PHIP: variants seen among roughly 807,000 people sequenced by gnomAD.
PHIP encodes the protein PH-interacting protein.
In PHIP, 54 loss-of-function variants were observed where a neutral mutation model predicts 236.8. The observed-to-expected ratio is 0.23, with a 90% CI of 0.18 to 0.29. The LOEUF is 0.29. PHIP is among the 10% of genes least tolerant of loss of function. The pLI is 1.00. For missense variants in PHIP, 1,370 were observed against 2,190.8 expected (o/e 0.63, Z 7.48); for synonymous variants, 756 against 718.9 (o/e 1.05, Z -0.83).
intron 15 of PHIP, among the ~76,000 whole-genome samples, chr6:79,011,155 GCTTA>G (rs762708471): frequency 2.4e-4 from 36 of 151,940 alleles, no homozygotes; most frequent in Admixed American, 1.4e-3. Context: ...ACAAATGTGG[GCTTA>G]CTAAGTTATA....
At chr6:78,980,704 A>AT (rs1045713484) in intron 23 of PHIP, among the ~76,000 whole-genome samples, 1 of 152,056 alleles carries the variant, frequency 6.6e-6, no homozygotes, top group African/African-American at 2.4e-5. Flanking sequence ...TATCACAGAG[A>AT]TCCCACAACC....
intron 27 of PHIP, among the ~76,000 whole-genome samples, chr6:78,966,328 T>G (rs1767129866): frequency 1.3e-5 from 2 of 152,206 alleles, no homozygotes; most frequent in Admixed American, 1.3e-4. Flanking sequence ...TTAGGCATTT[T>G]TACCAATCTA....
At chr6:79,061,739 G>T (rs1250511421) in intron 4 of PHIP, among the ~76,000 whole-genome samples, 1 of 151,860 alleles carries the variant, frequency 6.6e-6, no homozygotes, top group African/African-American at 2.4e-5. Context: ...ATACATTTTA[G>T]TAAGTGTAAA....
At chr6:78,968,773 G>T (rs892673831) in intron 27 of PHIP, among the ~76,000 whole-genome samples, 2 of 152,016 alleles carry the variant, frequency 1.3e-5, no homozygotes, top group Non-Finnish European at 2.9e-5. Flanking sequence ...GGTTTTCAGT[G>T]AATTTACAAT....
intron 27 of PHIP, 36 bp downstream of exon 27, chr6:78,969,799 C>T: frequency 6.0e-6 from 6 of 994,512 alleles, no homozygotes; most frequent in South Asian, 3.2e-5. Flanking sequence ...AAAAAAACCA[C>T]ATCAAACATC....
At chr6:79,077,667 CG>C (rs1476948216) in intron 3 of PHIP, 32 bp downstream of exon 3, 33 of 953,670 alleles carry the variant, frequency 3.5e-5, no homozygotes, top group Non-Finnish European at 4.0e-5. Flanking sequence ...GGCCGCGCGG[CG>C]GCGGGACGCG....
intron 7 of PHIP, among the ~76,000 whole-genome samples, chr6:79,042,311 A>C (rs1435101975): frequency 6.6e-6 from 1 of 152,038 alleles, no homozygotes; most frequent in Non-Finnish European, 1.5e-5. Context: ...AAAACATCAG[A>C]TATTTTGAAG....
rs1482554048 is a variant in PHIP, at chr6:79,041,005, T to C, written c.600+1838A>G. 2.0e-5 allele frequency among the ~76,000 whole-genome samples: 3 copies of C among 152,280 alleles called. No homozygotes were observed. The East Asian group carries it at 5.8e-4, about 29-fold the overall frequency. On this transcript the variant is annotated intron_variant, in intron 7 of 39. Transcript: ENST00000275034. Reference sequence around the variant, plus strand: ...CAGCTTCCTCTTCGCATATTATTCTTGTTCTCTAAATCACATGCCCTTAAA... The same window carrying C: ...CAGCTTCCTCTTCGCATATTATTCTCGTTCTCTAAATCACATGCCCTTAAA...
intron 32 of PHIP, chr6:78,957,663 TG>T (rs1449010823): frequency 6.6e-6 from 1 of 150,996 alleles, no homozygotes; most frequent in Non-Finnish European, 1.5e-5. Context: ...GCTTTTAAAA[TG>T]CTGTTACTAC....
intron 35 of PHIP, among the ~76,000 whole-genome samples, chr6:78,953,185 A>C (rs908676101): frequency 1.3e-4 from 20 of 152,282 alleles, no homozygotes; most frequent in Non-Finnish European, 2.1e-4. Context: ...TGACACTAGA[A>C]CCACTGGGGG....
Position 79,055,668 on chromosome 6 carries a change from G to A in PHIP, c.439+4810C>T, listed in dbSNP as rs115834066. 4.1e-3 allele frequency among the ~76,000 whole-genome samples: 629 copies of A among 152,294 alleles called. 1 individual carries two copies. The highest frequency in any genetic ancestry group is 0.014 in the African/African-American group (569 of 41,572). The stretch of plus-strand genomic sequence containing the variant: ...TGAACCACTTTGGGTCTCTTGCTGA[G>A]ACTGAGTTCTAGTTCAATTTTCACA... On this transcript the variant is annotated intron_variant, in intron 6 of 39. Coordinates refer to ENST00000275034, the MANE Select transcript of PHIP (RefSeq NM_017934.7).
chr6:78,985,584 T>C (rs1182283878), intron 21 of PHIP, among the ~76,000 whole-genome samples, 156 bp from the exon 22 acceptor site: 1 of 152,240 alleles, frequency 6.6e-6, no homozygotes, highest in Non-Finnish European at 1.5e-5. Flanking sequence ...CTCACGCCTG[T>C]AATCCCAACA....
rs1034981847 is a variant in PHIP at position 79,060,832 on chromosome 6, G to C, written c.190-14C>G. 1.3e-6 allele frequency: 2 copies of C among 1,540,150 alleles called. No individual in the cohort carries two copies. The highest frequency in any genetic ancestry group is 2.3e-5 in the East Asian group (1 of 43,858). ...GTAATACTTCACCTATTATGTAAAAGACAAATATAGTAGGTTTCAGTTTAT... is the reference window on the plus strand; with the variant it reads ...GTAATACTTCACCTATTATGTAAAACACAAATATAGTAGGTTTCAGTTTAT... On this transcript the variant is annotated splice_polypyrimidine_tract_variant and intron_variant, in intron 4 of 39. Coordinates refer to ENST00000275034, the MANE Select transcript of PHIP (RefSeq NM_017934.7).
intron 4 of PHIP, among the ~76,000 whole-genome samples, chr6:79,064,463 C>T (rs767873872): frequency 2.8e-4 from 42 of 152,212 alleles, no homozygotes; most frequent in Non-Finnish European, 5.9e-5. Flanking sequence ...ATCTACTCCA[C>T]ACTAGCTCCC....
intron 39 of PHIP, among the ~76,000 whole-genome samples, chr6:78,945,082 C>CTT (rs879391783): frequency 2.1e-5 from 3 of 141,792 alleles, no homozygotes; most frequent in Non-Finnish European, 3.1e-5. Flanking sequence ...AGATTTATTT[C>CTT]TTTTTTTTTT....
At chr6:79,025,056 T>C (rs888083946) in intron 9 of PHIP, among the ~76,000 whole-genome samples, 2 of 152,146 alleles carry the variant, frequency 1.3e-5, no homozygotes, top group Non-Finnish European at 2.9e-5. Context: ...AATACATCTA[T>C]CTACCTTGAT....
intron 4 of PHIP, among the ~76,000 whole-genome samples, chr6:79,061,387 G>C (rs2127772978): frequency 6.6e-6 from 1 of 152,204 alleles, no homozygotes; most frequent in Admixed American, 6.5e-5. Context: ...TAAAACTTAT[G>C]AATAACACTA....
In PHIP at chr6:78,998,366, T is replaced by G; in HGVS notation, c.1905A>C (p.Gln635His). ...CCAGTGGGCTGATCTCCTGGTTTGC[T>G]TGCTGACTTAAAACTTGATTCAGTC... ...SSGLNQVLSQQANQEISPLDS... is the reference protein window; with the variant it reads ...SSGLNQVLSQHANQEISPLDS... Residue 635 changes from glutamine to histidine, a missense_variant, in exon 18 of 40, where the codon CAA (glutamine) becomes CAC (histidine). This residue lies in a region of PHIP where 133 missense variants were observed against 245.2 expected (regional missense o/e 0.54). Transcript: ENST00000275034. The G allele has an allele frequency of 1.2e-6, 2 of 1,613,824 alleles. No homozygotes were observed. The highest frequency in any genetic ancestry group is 1.7e-6 in the Non-Finnish European group (2 of 1,179,810).
chr6:79,059,276 G>A (rs1773234570), intron 6 of PHIP, among the ~76,000 whole-genome samples: 1 of 151,788 alleles, frequency 6.6e-6, no homozygotes, highest in South Asian at 2.1e-4. Context: ...TAATGACTGA[G>A]AATTTTTCAA....
Sources: allele counts gnomAD v4.1 joint callset (sites outside exome capture counted in the v4.1 genomes callset), GRCh38; gene constraint gnomAD v4.1.1; regional missense constraint gnomAD v4.1.1; transcripts MANE v1.5; gene names NCBI Gene and HGNC (gene_info 2026-07-23, HGNC 2026-07-21).